The following GRM5 variants were observed in gnomAD, a reference collection of about 807,000 sequenced individuals.
GRM5 encodes glutamate metabotropic receptor 5.
GRM5 carries 19 observed loss-of-function variants against 83.1 expected under a neutral mutation model. The observed-to-expected ratio is 0.23, with a 90% confidence interval of 0.16 to 0.34. The LOEUF is 0.34. GRM5 is among the 10% of genes least tolerant of loss of function. The pLI is 1.00. For missense variants in GRM5, 1,160 were observed against 1,588.3 expected, an observed-to-expected ratio of 0.73 and a Z score of 4.58; for synonymous variants, 675 against 633.6, an observed-to-expected ratio of 1.07 and a Z score of -0.98.
intron 2 of GRM5, among the ~76,000 whole-genome samples, chr11:88,866,595 G>A (rs1944670191): frequency 6.6e-6 from 1 of 151,762 alleles, no homozygotes; most frequent in Non-Finnish European, 1.5e-5. Context: ...AATGAACAAA[G>A]GCCTGATTTT....
intron 3 of GRM5, among the ~76,000 whole-genome samples, chr11:88,753,148 A>G (rs868460138): frequency 1.1e-4 from 17 of 152,172 alleles, no homozygotes; most frequent in African/African-American, 2.9e-4. Context: ...AGCAAAATAA[A>G]CTATCAGACT....
Position 88,584,393 on chromosome 11 carries a change from A to C in GRM5, c.1690+6208T>G, listed in dbSNP as rs145363047. Among the ~76,000 whole-genome samples, 3 of 151,742 alleles carry C rather than the reference A, an allele frequency of 2.0e-5. No homozygotes were observed. The South Asian group carries it at 6.2e-4, about 32-fold the overall frequency. ...CATTGTGACTATGTAAATAATATTT[A>C]TAAAGCAGCCCATCATGATTGCATT... On this transcript the variant is annotated intron_variant, in intron 7 of 9. Transcript: ENST00000305447.
intron 8 of GRM5, among the ~76,000 whole-genome samples, chr11:88,533,631 A>G (rs1173743969): frequency 6.6e-6 from 1 of 152,164 alleles, no homozygotes; most frequent in African/African-American, 2.4e-5. Flanking sequence ...CCCAGTGCCT[A>G]TGATAGTATA....
chr11:88,804,575 T>C (rs568377245), intron 3 of GRM5, among the ~76,000 whole-genome samples: 39 of 151,896 alleles, frequency 2.6e-4, no homozygotes, highest in East Asian at 1.4e-3. Context: ...TTAGTAGTTA[T>C]ACCTAATGCT....
At chr11:89,050,252 A>G (rs1040778155) in intron 1 of GRM5, among the ~76,000 whole-genome samples, 8 of 152,236 alleles carry the variant, frequency 5.3e-5, no homozygotes, top group Non-Finnish European at 1.0e-4. Flanking sequence ...AGTGTAACAA[A>G]GAACTGTAAT....
chr11:88,673,418 G>T (rs1037779174), intron 3 of GRM5, among the ~76,000 whole-genome samples: 1 of 151,876 alleles, frequency 6.6e-6, no homozygotes, highest in Non-Finnish European at 1.5e-5. Context: ...GGGAAGTTTA[G>T]TTTTAAACAT....
At chr11:88,570,571 A>ATATATATATATATATATATATATATT (rs1405339448) in intron 7 of GRM5, among the ~76,000 whole-genome samples, 1 of 46,378 alleles carries the variant, frequency 2.2e-5, no homozygotes, top group Non-Finnish European at 3.5e-5. Flanking sequence ...ATATATATAT[A>ATATATATATATATATATATATATATT]TTTTTTTTTT....
Position 88,745,198 on chromosome 11 carries a change from C to T in GRM5, c.912-91795G>A, listed in dbSNP as rs28456220. 1.9e-3 allele frequency among the ~76,000 whole-genome samples: 160 copies of T among 86,424 alleles called. 4 individuals carry two copies. The highest frequency in any genetic ancestry group is 4.1e-3 in the East Asian group (7 of 1,696). The allele number at this position is 86,424 out of a possible 152,430, so 56.7% of individuals were successfully genotyped here. A position where few individuals can be genotyped will look rare whatever the true frequency, so the allele number is the denominator to read the frequency against. On this transcript the variant is annotated intron_variant, in intron 3 of 9. Coordinates refer to ENST00000305447, the MANE Select transcript of GRM5 (RefSeq NM_001143831.3). ...CTAATTTTTTTTTCTTTTTATTTTTCTTTTTTTTTTTTTCTGAGACAGAAT... is the reference window on the plus strand; with the variant it reads ...CTAATTTTTTTTTCTTTTTATTTTTTTTTTTTTTTTTTTCTGAGACAGAAT...
At chr11:88,955,974 G>A (rs1938598984) in intron 2 of GRM5, among the ~76,000 whole-genome samples, 1 of 152,134 alleles carries the variant, frequency 6.6e-6, no homozygotes, top group Non-Finnish European at 1.5e-5. Context: ...AATAATGCTG[G>A]TTACAAATTA....
chr11:89,024,526 A>G (rs762888593), intron 2 of GRM5, among the ~76,000 whole-genome samples: 8 of 152,240 alleles, frequency 5.3e-5, no homozygotes, highest in Non-Finnish European at 8.8e-5. Context: ...TTTTCAATTG[A>G]GGTAGAGTTT....
At chr11:88,705,019 CAT>C (rs1383666336) in intron 3 of GRM5, among the ~76,000 whole-genome samples, 1 of 152,022 alleles carries the variant, frequency 6.6e-6, no homozygotes, top group African/African-American at 2.4e-5. Flanking sequence ...ATAAACATAA[CAT>C]ATGATTGTAT....
chr11:88,674,028 G>T (rs1055375332), intron 3 of GRM5, among the ~76,000 whole-genome samples: 3 of 151,850 alleles, frequency 2.0e-5, no homozygotes, highest in African/African-American at 7.3e-5. Context: ...AAACAAGTAC[G>T]AGGGAAGAAT....
intron 2 of GRM5, among the ~76,000 whole-genome samples, chr11:88,980,022 T>C (rs1939475625): frequency 6.6e-6 from 1 of 152,180 alleles, no homozygotes; most frequent in Non-Finnish European, 1.5e-5. Flanking sequence ...TTTTAAATGT[T>C]GGAGGTAAAG....
chr11:88,895,691 T>C (rs1420085710), intron 2 of GRM5, among the ~76,000 whole-genome samples: 1 of 151,974 alleles, frequency 6.6e-6, no homozygotes, highest in Non-Finnish European at 1.5e-5. Flanking sequence ...TCTATGCTAC[T>C]TTTAAACAAT....
rs1036068638 is a variant in GRM5 at position 88,774,759 on chromosome 11, G to A, written c.911+75147C>T. On this transcript the variant is annotated intron_variant, in intron 3 of 9. Coordinates refer to ENST00000305447, the MANE Select transcript of GRM5 (RefSeq NM_001143831.3). Reference sequence around the variant, plus strand: ...TCATGTGATGGATTAGGTTTATTGCGTATGTTGAAGCAGCCTTGCATCTCA... The same window carrying A: ...TCATGTGATGGATTAGGTTTATTGCATATGTTGAAGCAGCCTTGCATCTCA... Among the ~76,000 whole-genome samples the A allele has an allele frequency of 9.0e-4, 135 of 150,824 alleles. 1 individual carries two copies. Among genetic ancestry groups the A allele is most frequent in the Non-Finnish European group, 2.8e-4 (19 of 67,156 alleles).
chr11:88,896,615 G>A (rs1302600989), intron 2 of GRM5, among the ~76,000 whole-genome samples: 4 of 151,866 alleles, frequency 2.6e-5, no homozygotes, highest in Non-Finnish European at 5.9e-5. Flanking sequence ...AAGACCAGTG[G>A]TGCAGTTCTG....
intron 2 of GRM5, among the ~76,000 whole-genome samples, chr11:88,864,602 T>A (rs1212739801): frequency 3.3e-5 from 5 of 152,058 alleles, no homozygotes; most frequent in Admixed American, 2.6e-4. Flanking sequence ...AAAAATACAA[T>A]CATGTCAACT....
intron 3 of GRM5, among the ~76,000 whole-genome samples, chr11:88,667,578 T>A (rs1263897451): frequency 6.6e-6 from 1 of 151,868 alleles, no homozygotes; most frequent in African/African-American, 2.4e-5. Flanking sequence ...TATGGAGAAT[T>A]GCTTAAAAAA....
At chr11:88,587,464 G>A (rs920754888) in intron 7 of GRM5, among the ~76,000 whole-genome samples, 1 of 152,124 alleles carries the variant, frequency 6.6e-6, no homozygotes, top group Non-Finnish European at 1.5e-5. Flanking sequence ...GATCATAGGA[G>A]GGTGGGAAAG....
Sources: gnomAD v4.1 joint callset for allele counts (sites outside exome capture counted in the v4.1 genomes callset) on GRCh38, gnomAD v4.1.1 for gene constraint, MANE v1.5 for transcripts, NCBI Gene and HGNC (gene_info 2026-07-23, HGNC 2026-07-21) for gene names.